The following ASNSD1 variants were observed in gnomAD, a reference collection of about 807,000 sequenced individuals.
The protein encoded by ASNSD1 is asparagine synthetase domain-containing protein 1.
In ASNSD1, 36 loss-of-function variants were observed where a neutral mutation model predicts 48.3. That is an observed-to-expected ratio of 0.75 (90% confidence interval 0.57 to 0.99). The LOEUF (loss-of-function observed/expected upper bound fraction) is 0.99. Among genes scored for constraint, ASNSD1 ranks in the 50% least tolerant of loss-of-function variants. The pLI, the probability that ASNSD1 is intolerant of heterozygous loss-of-function variation, is 0.00. For missense variants in ASNSD1, 714 were observed against 758.2 expected (o/e 0.94, Z 0.69); for synonymous variants, 257 against 262.1 (o/e 0.98, Z 0.19).
At chr2:189,662,060 C>G (rs1464687290) in intron 1 of ASNSD1, among the ~76,000 whole-genome samples, 1 of 152,122 alleles carries the variant, frequency 6.6e-6, no homozygotes, top group Non-Finnish European at 1.5e-5. Context: ...ACTCTTACCA[C>G]CCCAAATAAG....
At position 189,666,907 on chromosome 2, in the gene ASNSD1, A is replaced by G. The variant is rs1308633236; in HGVS notation, c.775A>G (p.Asn259Asp). The G allele has an allele frequency of 1.2e-6, 2 of 1,613,938 alleles. No individual in the cohort carries two copies. The highest frequency in any genetic ancestry group is 1.7e-6 in the Non-Finnish European group (2 of 1,179,962). ...AGCTGCATTGGAGACTCATTGCAGT[A>G]ATATTTCCAATGTGCCACCTACAAG... ...PQAALETHCS[N>D]ISNVPPTREI... Residue 259 changes from asparagine to aspartate, a missense_variant, in exon 4 of 6, where the codon AAT becomes GAT. Transcript: ENST00000260952.
rs1250155105 is a variant in ASNSD1 at position 189,663,932 on chromosome 2, T to G, written c.-191T>G. 2.6e-6 allele frequency: 1 copy of G among 388,582 alleles called. No homozygotes were observed. Among genetic ancestry groups the G allele is most frequent in the Non-Finnish European group, 4.6e-6 (1 of 218,802 alleles). The allele number at this position is 388,582 out of a possible 1,614,324, so 24.1% of individuals were successfully genotyped here. A position where few individuals can be genotyped will look rare whatever the true frequency, so the allele number is the denominator to read the frequency against. ...GAACAAAAAATTGTGGTGGATGAAC[T>G]TTCTAACCTTAAGAAGAATAGGGTG... On this transcript the variant is annotated 5_prime_UTR_variant, in exon 2 of 6. Transcript: ENST00000260952.
At chr2:189,668,335 T>C (rs920340943) in intron 5 of ASNSD1, among the ~76,000 whole-genome samples, 2 of 115,664 alleles carry the variant, frequency 1.7e-5, no homozygotes, top group Admixed American at 2.0e-4. Context: ...GTAAACATGA[T>C]GAAACCCCAC....
At position 189,661,589 on chromosome 2, in the gene ASNSD1, C is replaced by CTT. The variant is rs2032665479; in HGVS notation, c.-244_-243insTT. ...TCCCCACCGACAATTCGACCCCACA[C>CTT]AAGGAGGATCTAAGCAGCAAGGTGA... is the stretch of plus-strand genomic sequence containing the variant. On this transcript the variant is annotated 5_prime_UTR_variant, in exon 1 of 6. It introduces an in-frame stop codon into an upstream open reading frame of the 5' UTR. Coordinates refer to ENST00000260952, the MANE Select transcript of ASNSD1 (RefSeq NM_019048.4). The CTT allele has an allele frequency of 2.5e-6, 1 of 399,208 alleles. No individual in the cohort carries two copies. Among genetic ancestry groups the CTT allele is most frequent in the Non-Finnish European group, 4.4e-6 (1 of 226,276 alleles). The allele number at this position is 399,208 out of a possible 1,614,324, so 24.7% of individuals were successfully genotyped here. A position where few individuals can be genotyped will look rare whatever the true frequency, so the allele number is the denominator to read the frequency against.
chr2:189,666,736 A>G lies in ASNSD1; in HGVS notation c.604A>G (p.Ile202Val). The change falls in exon 4 of 6, where the codon ATT (isoleucine) becomes GTT (valine). Residue 202 changes from isoleucine to valine, a missense_variant. Coordinates refer to ENST00000260952, the MANE Select transcript of ASNSD1 (RefSeq NM_019048.4). ...IILQLYPWKYISRENIIEENV... is the reference protein window; with the variant it reads ...IILQLYPWKYVSRENIIEENV... ...TTTACAACTGTATCCTTGGAAATAT[A>G]TTTCTAGGGAGAATATTATTGAAGA... 6.2e-7 allele frequency: 1 copy of G among 1,613,320 alleles called. No individual in the cohort carries two copies. Among genetic ancestry groups the G allele is most frequent in the South Asian group, 1.1e-5 (1 of 91,048 alleles).
rs752965025 is a variant in ASNSD1 at position 189,670,682 on chromosome 2, A to G, written c.1888A>G (p.Met630Val). 8 of 1,604,016 alleles carry G rather than the reference A, an allele frequency of 5.0e-6. No homozygotes were observed. The highest frequency in any genetic ancestry group is 1.1e-5 in the South Asian group (1 of 88,304). ...TGATAAATGTGGACGGCTCCAAATC[A>G]TGTCCTTAGAAAATCTTTCTATTGA... ...ASDKCGRLQI[M>V]SLENLSIEKE... Residue 630 changes from methionine (M) to valine (V), a missense_variant, in exon 6 of 6, where the codon ATG becomes GTG. Met to Val is a conservative substitution (Grantham distance 21). Coordinates refer to ENST00000260952, the MANE Select transcript of ASNSD1 (RefSeq NM_019048.4).
intron 5 of ASNSD1, among the ~76,000 whole-genome samples, 160 bp downstream of exon 5, chr2:189,668,105 T>C (rs903283880): frequency 6.6e-6 from 1 of 152,234 alleles, no homozygotes; most frequent in Non-Finnish European, 1.5e-5. Flanking sequence ...GAAACAGAGC[T>C]GGGAAGAGCC....
Position 189,667,244 on chromosome 2 carries a change from G to C in ASNSD1, c.1112G>C (p.Gly371Ala). ...KTMPTTFNRE[G>A]NKQKNKCEIP... Reference sequence around the variant, plus strand: ...ATGCCAACTACCTTTAACAGAGAAGGGAATAAACAGAAAAATAAATGTGAA... The same window carrying C: ...ATGCCAACTACCTTTAACAGAGAAGCGAATAAACAGAAAAATAAATGTGAA... The change falls in exon 4 of 6, where the codon GGG becomes GCG. Residue 371 changes from glycine (G) to alanine (A), a missense_variant. Gly to Ala is a moderately conservative substitution (Grantham distance 60). Transcript: ENST00000260952. The C allele has an allele frequency of 6.2e-7, 1 of 1,613,940 alleles. No individual in the cohort carries two copies. The highest frequency in any genetic ancestry group is 1.1e-5 in the South Asian group (1 of 91,058).
At chr2:189,669,535 C>G (rs181228844) in intron 5 of ASNSD1, among the ~76,000 whole-genome samples, 1 of 152,168 alleles carries the variant, frequency 6.6e-6, no homozygotes. Context: ...ATTTGATTCT[C>G]TAGTTAAATT....
chr2:189,665,588 A>G (rs535083030), intron 3 of ASNSD1, 137 bp downstream of exon 3: 1 of 17,092 alleles, frequency 5.9e-5, no homozygotes, highest in Admixed American at 1.3e-3. Flanking sequence ...CAACAGTTAT[A>G]TATATATGTG....
At chr2:189,662,969 A>T (rs1022673150) in intron 1 of ASNSD1, among the ~76,000 whole-genome samples, 2 of 137,868 alleles carry the variant, frequency 1.5e-5, no homozygotes, top group Admixed American at 1.5e-4. Context: ...AAAAAAAAAA[A>T]GCCCAGTTCA....
At chr2:189,667,645 A>G in intron 4 of ASNSD1, 49 bp downstream of exon 4, 1 of 1,546,896 alleles carries the variant, frequency 6.5e-7, no homozygotes, top group Non-Finnish European at 8.7e-7. Context: ...CCTATTTTTG[A>G]CCCTTAAAGC....
In ASNSD1 at chr2:189,667,813, G is replaced by A. The variant is rs752577976; in HGVS notation, c.1514G>A (p.Arg505His). ...GADEQLAGYS[R>H]HRVRFQSHGL... is the part of the protein sequence containing the mutation. ...GATGAGCAACTTGCAGGTTATTCTC[G>A]TCATCGTGTCCGCTTTCAGTCGCAT... Residue 505 changes from arginine (R) to histidine (H), a missense_variant, in exon 5 of 6, where the codon CGT (arginine) becomes CAT (histidine). By Grantham distance (29) the Arg-to-His change is conservative (BLOSUM62 0). Coordinates refer to ENST00000260952, the MANE Select transcript of ASNSD1 (RefSeq NM_019048.4). 40 of 1,613,838 alleles carry A rather than the reference G, an allele frequency of 2.5e-5. No homozygotes were observed. The highest frequency in any genetic ancestry group is 8.8e-5 in the South Asian group (8 of 91,042).
rs756638919 is a variant in ASNSD1, at chr2:189,666,836, T to TTGAAAAACAG, written c.704_705insTGAAAAACAG (p.Tyr236GlufsTer6). On this transcript the variant is annotated frameshift_variant, in exon 4 of 6. Coordinates refer to ENST00000260952, the MANE Select transcript of ASNSD1 (RefSeq NM_019048.4). LOFTEE classifies it high-confidence loss of function. ...TCAGTGGTAGCAAATGAAGCCAAAC[T>TTGAAAAACAG]GTATCTTGAAAAACCTGTTGTTCCT... The TTGAAAAACAG allele has an allele frequency of 6.2e-7, 1 of 1,614,152 alleles. No individual in the cohort carries two copies. The highest frequency in any genetic ancestry group is 8.5e-7 in the Non-Finnish European group (1 of 1,180,014).
Position 189,665,356 on chromosome 2 carries a change from G to A in ASNSD1, c.-168-20G>A, listed in dbSNP as rs748753805. On this transcript the variant is annotated intron_variant, in intron 2 of 5. Coordinates refer to ENST00000260952, the MANE Select transcript of ASNSD1 (RefSeq NM_019048.4). ...CTTTTTAGATCAAAATTTGATATTAGCCTAAATTATGTTTTCCAGAAAGTA... is the reference window on the plus strand; with the variant it reads ...CTTTTTAGATCAAAATTTGATATTAACCTAAATTATGTTTTCCAGAAAGTA... The A allele has an allele frequency of 7.3e-5, 29 of 395,130 alleles. No individual in the cohort carries two copies. The highest frequency in any genetic ancestry group is 3.8e-4 in the South Asian group (3 of 7,810). 24.5% of individuals were successfully genotyped at this position (395,130 alleles called of 1,614,324 possible).
At position 189,665,182 on chromosome 2, in the gene ASNSD1, A is replaced by G. The variant is rs563816661; in HGVS notation, c.-168-194A>G. 6.6e-5 allele frequency among the ~76,000 whole-genome samples: 10 copies of G among 152,272 alleles called. No individual in the cohort carries two copies. In the East Asian group the frequency reaches 1.9e-3, roughly 29 times the overall value. ...ACCTTTTTTGTTAAAATGGAGAGAAAATAGTTTCATTTCAGTAGTAGCAAT... is the reference window on the plus strand; with the variant it reads ...ACCTTTTTTGTTAAAATGGAGAGAAGATAGTTTCATTTCAGTAGTAGCAAT... On this transcript the variant is annotated intron_variant, in intron 2 of 5. Transcript: ENST00000260952.
intron 1 of ASNSD1, among the ~76,000 whole-genome samples, chr2:189,661,960 AC>A (rs2032676360): frequency 6.6e-6 from 1 of 152,060 alleles, no homozygotes; most frequent in South Asian, 2.1e-4. Flanking sequence ...CATGCCAGCA[AC>A]CCGGGGTCCA....
intron 1 of ASNSD1, 53 bp from the exon 2 acceptor site, chr2:189,663,848 T>C (rs754111622): frequency 3.7e-5 from 14 of 375,684 alleles, no homozygotes; most frequent in Non-Finnish European, 5.2e-5. Flanking sequence ...GGGATTTTCA[T>C]TGAGCATACT....
chr2:189,662,776 C>G (rs1317751834), intron 1 of ASNSD1, among the ~76,000 whole-genome samples: 1 of 151,914 alleles, frequency 6.6e-6, no homozygotes, highest in Non-Finnish European at 1.5e-5. Context: ...CTTAGTTGAG[C>G]CCTCCCCTAC....
Sources: gnomAD v4.1 joint callset for allele counts (sites outside exome capture counted in the v4.1 genomes callset) on GRCh38, gnomAD v4.1.1 for gene constraint, MANE v1.5 for transcripts, NCBI Gene and HGNC (gene_info 2026-07-23, HGNC 2026-07-21) for gene names.